Variants in PDE4DIP observed in about 807,000 individuals in gnomAD.
PDE4DIP encodes the protein myomegalin.
In PDE4DIP, 59 loss-of-function variants were observed where a neutral mutation model predicts 221.4. That is an observed-to-expected ratio of 0.27 (90% CI 0.22 to 0.33). PDE4DIP has a LOEUF of 0.33. Among genes scored for constraint, PDE4DIP ranks in the 10% least tolerant of loss-of-function variants. The pLI, the probability that PDE4DIP is intolerant of heterozygous loss-of-function variation, is 1.00. For missense variants in PDE4DIP, 1,036 were observed against 2,154.2 expected, an observed-to-expected ratio of 0.48 and a Z score of 10.28; for synonymous variants, 404 against 815.9, an observed-to-expected ratio of 0.50 and a Z score of 8.60.
chr1:148,998,720 C>T (rs1251541212), intron 23 of PDE4DIP, among the ~76,000 whole-genome samples: 3 of 139,884 alleles, frequency 2.1e-5, no homozygotes, highest in South Asian at 2.5e-4. Context: ...GAACAGTTCA[C>T]GAAGGAGGAG....
At chr1:148,991,586 T>C (rs2063066604) in intron 21 of PDE4DIP, 1 of 979,436 alleles carries the variant, frequency 1.0e-6, no homozygotes, top group Admixed American at 6.1e-5. Context: ...TAATTCAGGC[T>C]TTCTTGACAT....
At chr1:148,863,168 G>C in intron 1 of PDE4DIP, 82 bp from the exon 2 acceptor site, 2 of 420,476 alleles carry the variant, frequency 4.8e-6, no homozygotes, top group South Asian at 6.0e-5. Context: ...TGACAAATAG[G>C]TAGGTGTCTT....
upstream of PDE4DIP, among the ~76,000 whole-genome samples, chr1:148,884,980 C>A (rs1664028): frequency 5.0e-3 from 705 of 140,998 alleles, no homozygotes; most frequent in East Asian, 0.023. Context: ...AGTTGTATTA[C>A]TCCAATGAGA....
At chr1:148,927,188 AT>A (rs2046906040) in intron 1 of PDE4DIP, among the ~76,000 whole-genome samples, 1 of 151,928 alleles carries the variant, frequency 6.6e-6, no homozygotes, top group Admixed American at 6.6e-5. Context: ...TGTTCATAAA[AT>A]AATAACTTTA....
At chr1:148,824,344 C>T (rs1670117992) in intron 1 of PDE4DIP, among the ~76,000 whole-genome samples, 1 of 150,498 alleles carries the variant, frequency 6.6e-6, no homozygotes, top group East Asian at 1.9e-4. Flanking sequence ...AGCTTAGTTC[C>T]CACAGCACAA....
At chr1:148,996,733 C>T (rs1472089928) in intron 22 of PDE4DIP, among the ~76,000 whole-genome samples, 1 of 152,298 alleles carries the variant, frequency 6.6e-6, no homozygotes, top group African/African-American at 2.4e-5. Context: ...TCGCACCAAC[C>T]CCAGCAGCTC....
chr1:149,015,426 A>G (rs1211212871), intron 32 of PDE4DIP, among the ~76,000 whole-genome samples: 10 of 152,158 alleles, frequency 6.6e-5, no homozygotes, highest in African/African-American at 2.2e-4. Flanking sequence ...CTACCTGTCT[A>G]TTCTGCTGCC....
rs1476863978 is a variant in PDE4DIP at position 148,844,367 on chromosome 1, G to C, written c.234-18883G>C. 3.8e-5 allele frequency: 24 copies of C among 638,274 alleles called. 1 individual carries two copies. Among genetic ancestry groups the C allele is most frequent in the Middle Eastern group, 6.1e-4 (1 of 1,646 alleles). 39.5% of individuals were successfully genotyped at this position (638,274 alleles called of 1,614,324 possible). A position where few individuals can be genotyped will look rare whatever the true frequency, so the allele number is the denominator to read the frequency against. On this transcript the variant is annotated intron_variant, in intron 1 of 45. Transcript: ENST00000524974. Reference sequence around the variant, plus strand: ...ATTCTGCCCCAGCACACTGGTTGTCGGGAGCCCCGCCTCCGCTCGCGGTTG... The same window carrying C: ...ATTCTGCCCCAGCACACTGGTTGTCCGGAGCCCCGCCTCCGCTCGCGGTTG...
intron 5 of PDE4DIP, among the ~76,000 whole-genome samples, chr1:148,948,949 T>C (rs1187359312): frequency 3.9e-5 from 6 of 152,326 alleles, no homozygotes; most frequent in Non-Finnish European, 5.9e-5. Flanking sequence ...GTAGTACGGC[T>C]GTAGACCTGT....
chr1:148,917,312 G>C (rs1282419502), intron 1 of PDE4DIP, among the ~76,000 whole-genome samples: 2 of 147,094 alleles, frequency 1.4e-5, no homozygotes, highest in African/African-American at 5.0e-5. Flanking sequence ...ATGTATCTTG[G>C]GAACTCTGTG....
At chr1:148,931,742 G>A in intron 2 of PDE4DIP, 58 bp from the exon 6 acceptor site, 1 of 1,273,926 alleles carries the variant, frequency 7.8e-7, no homozygotes, top group Non-Finnish European at 1.1e-6. Flanking sequence ...CAACCTTAAT[G>A]GTTCCACTTG....
chr1:148,972,808 C>T (rs1553532001), intron 16 of PDE4DIP, among the ~76,000 whole-genome samples: 3 of 151,566 alleles, frequency 2.0e-5, no homozygotes, highest in African/African-American at 7.3e-5. Context: ...CAGAGAAATT[C>T]TATCCTTACT....
At chr1:148,889,158 C>G (rs587632974), upstream of PDE4DIP, among the ~76,000 whole-genome samples, 419 of 152,128 alleles carry the variant, frequency 2.8e-3, no homozygotes, top group Non-Finnish European at 5.0e-3. Context: ...ATTTGACATG[C>G]GGTTACCTTT....
Position 148,929,371 on chromosome 1 carries a change from T to C in PDE4DIP, c.218+98T>C, listed in dbSNP as rs1229280599. The C allele has an allele frequency of 3.5e-6, 5 of 1,437,808 alleles. No individual in the cohort carries two copies. The African/African-American group carries it at 7.2e-5, about 21-fold the overall frequency. 89.1% of individuals were successfully genotyped at this position (1,437,808 alleles called of 1,614,324 possible). ...CAAATTCCTTAACCTATCTGTGGCA[T>C]TTGAATCCTGTATCTGATTCAGGAA... On this transcript the variant is annotated intron_variant, in intron 2 of 43. Transcript: ENST00000369354.
chr1:149,014,053 G>T lies in PDE4DIP; in HGVS notation c.5266+1277G>T, dbSNP rs587644082. Among the ~76,000 whole-genome samples, 253 of 151,998 alleles carry T rather than the reference G, an allele frequency of 1.7e-3. 1 individual carries two copies. The highest frequency in any genetic ancestry group is 5.7e-3 in the African/African-American group (235 of 41,460). Reference sequence around the variant, plus strand: ...TTGGCCCACCTTGGTTTCTGAAAGTGCAGGGATTACAGGTATGAGCCACTG... The same window carrying T: ...TTGGCCCACCTTGGTTTCTGAAAGTTCAGGGATTACAGGTATGAGCCACTG... On this transcript the variant is annotated intron_variant, in intron 32 of 43. Coordinates refer to ENST00000369354, the Ensembl canonical transcript of PDE4DIP.
At chr1:148,832,795 G>A (rs1228731524) in intron 1 of PDE4DIP, among the ~76,000 whole-genome samples, 1 of 136,542 alleles carries the variant, frequency 7.3e-6, no homozygotes, top group Non-Finnish European at 1.7e-5. Context: ...ACTTGATCAT[G>A]GTGGATAAGC....
chr1:148,983,681 C>A lies in PDE4DIP; in HGVS notation c.2815+2284C>A, dbSNP rs1448558561. On this transcript the variant is annotated intron_variant, in intron 21 of 43. Transcript: ENST00000369354. ...ATGATATAATATTCCATTTTCTCTACAGGAGCACAGACTCTTTCTCATACT... is the reference window on the plus strand; with the variant it reads ...ATGATATAATATTCCATTTTCTCTAAAGGAGCACAGACTCTTTCTCATACT... 15 of 152,488 alleles carry A rather than the reference C, an allele frequency of 9.8e-5. 1 individual carries two copies. The highest frequency in any genetic ancestry group is 9.8e-4 in the Admixed American group (15 of 15,264). 9.4% of individuals were successfully genotyped at this position (152,488 alleles called of 1,614,324 possible).
chr1:148,926,928 A>T (rs1395398546), intron 1 of PDE4DIP, among the ~76,000 whole-genome samples: 1 of 145,562 alleles, frequency 6.9e-6, no homozygotes, highest in African/African-American at 2.6e-5. Flanking sequence ...CTTGTTCTTC[A>T]TACAAAATTG....
chr1:148,819,916 CTTTTTTTTTTTT>C (rs10699564), intron 1 of PDE4DIP, among the ~76,000 whole-genome samples: 6 of 34,790 alleles, frequency 1.7e-4, no homozygotes, highest in African/African-American at 4.1e-4. Context: ...CTGTTTATAT[CTTTTTTTTTTTT>C]TTTTTTTTTT....
Sources: gnomAD v4.1 joint callset for allele counts (sites outside exome capture counted in the v4.1 genomes callset) on GRCh38, gnomAD v4.1.1 for gene constraint, MANE v1.5 for transcripts, NCBI Gene and HGNC (gene_info 2026-07-23, HGNC 2026-07-21) for gene names.